ADGRL3: variants seen among roughly 807,000 people sequenced by gnomAD.
ADGRL3 encodes the protein adhesion G protein-coupled receptor L3.
A neutral mutation model predicts 153.5 loss-of-function variants in ADGRL3; 62 were observed. The observed-to-expected ratio is 0.40, with a 90% CI of 0.33 to 0.50. ADGRL3 has a LOEUF of 0.50. ADGRL3 is among the 20% of genes least tolerant of loss of function. The pLI, the probability that ADGRL3 is intolerant of heterozygous loss-of-function variation, is 0.47. For missense variants in ADGRL3, 1,641 were observed against 1,859.4 expected, an observed-to-expected ratio of 0.88 and a Z score of 2.16; for synonymous variants, 710 against 672.5, an observed-to-expected ratio of 1.06 and a Z score of -0.86.
intron 19 of ADGRL3, among the ~76,000 whole-genome samples, chr4:61,994,224 C>G (rs757324941): frequency 2.8e-4 from 42 of 152,078 alleles, no homozygotes; most frequent in Non-Finnish European, 5.0e-4. Context: ...CATGACTCAC[C>G]ACAGCCTGGA....
intron 1 of ADGRL3, among the ~76,000 whole-genome samples, chr4:61,327,652 G>T (rs1357054860): frequency 6.6e-6 from 1 of 151,908 alleles, no homozygotes. Context: ...GATCACTAAG[G>T]AAAAGCAGGT....
At chr4:61,872,639 C>T (rs1285511775) in intron 9 of ADGRL3, among the ~76,000 whole-genome samples, 3 of 147,696 alleles carry the variant, frequency 2.0e-5, no homozygotes, top group Non-Finnish European at 4.5e-5. Context: ...TTTCTAGTCT[C>T]AATGTTAACC....
intron 4 of ADGRL3, among the ~76,000 whole-genome samples, chr4:61,521,918 A>G (rs988240352): frequency 2.6e-5 from 4 of 152,164 alleles, no homozygotes; most frequent in Non-Finnish European, 5.9e-5. Flanking sequence ...TAAACTAAAA[A>G]TGTTATGTGT....
intron 2 of ADGRL3, among the ~76,000 whole-genome samples, chr4:61,401,681 G>A (rs190056251): frequency 2.6e-5 from 4 of 152,122 alleles, no homozygotes; most frequent in African/African-American, 9.6e-5. Context: ...TAAGGACACA[G>A]ATTTTTCTAC....
At chr4:61,234,952 G>C (rs1752263069) in intron 1 of ADGRL3, among the ~76,000 whole-genome samples, 1 of 152,242 alleles carries the variant, frequency 6.6e-6, no homozygotes, top group East Asian at 1.9e-4. Context: ...TGAGATGCTT[G>C]AATGTGATTA....
chr4:61,528,558 T>A (rs1560788611), intron 4 of ADGRL3, among the ~76,000 whole-genome samples: 1 of 152,054 alleles, frequency 6.6e-6, no homozygotes, highest in Non-Finnish European at 1.5e-5. Context: ...TTATATAGAT[T>A]CAACAATAGC....
At chr4:61,752,204 AAAG>A (rs1480330844) in intron 8 of ADGRL3, among the ~76,000 whole-genome samples, 1 of 152,220 alleles carries the variant, frequency 6.6e-6, no homozygotes, top group African/African-American at 2.4e-5. Context: ...TAACAAGAAT[AAAG>A]AATAGAAATT....
At chr4:61,366,237 A>G (rs1236649972) in intron 1 of ADGRL3, among the ~76,000 whole-genome samples, 1 of 152,170 alleles carries the variant, frequency 6.6e-6, no homozygotes, top group Non-Finnish European at 1.5e-5. Context: ...AAGGTTCTAG[A>G]TTTCTATAAA....
chr4:61,394,145 G>A (rs149430409), intron 2 of ADGRL3, among the ~76,000 whole-genome samples: 1 of 152,140 alleles, frequency 6.6e-6, no homozygotes, highest in Admixed American at 6.5e-5. Context: ...ATAGAATAAT[G>A]AATAATCTCT....
chr4:61,200,554 TGCCTCCGCTCCGGCA>T lies in ADGRL3; in HGVS notation c.-1448_-1434del, dbSNP rs2148665572. On this transcript the variant is annotated 5_prime_UTR_variant, in exon 1 of 27. Coordinates refer to ENST00000683033, the MANE Select transcript of ADGRL3 (RefSeq NM_001387552.1). ...TGCTGGTTTTTCTCGGACTGCTCGTTGCCTCCGCTCCGGCAGCTGCTGCCGCCGCCACCGCCGCCT... is the reference window on the plus strand; with the variant it reads ...TGCTGGTTTTTCTCGGACTGCTCGTTGCTGCTGCCGCCGCCACCGCCGCCT... Among the ~76,000 whole-genome samples, 1 of 149,304 alleles carries T rather than the reference TGCCTCCGCTCCGGCA, an allele frequency of 6.7e-6. No individual in the cohort carries two copies. The highest frequency in any genetic ancestry group is 2.5e-5 in the African/African-American group (1 of 40,328).
chr4:61,857,785 G>A (rs1316252071), intron 9 of ADGRL3, among the ~76,000 whole-genome samples: 1 of 151,054 alleles, frequency 6.6e-6, no homozygotes, highest in Non-Finnish European at 1.5e-5. Context: ...CTGAAGTGCA[G>A]TGGTGCATTC....
chr4:61,979,864 C>T (rs535927964), intron 18 of ADGRL3, 92 bp downstream of exon 18: 8 of 1,079,330 alleles, frequency 7.4e-6, no homozygotes, highest in Non-Finnish European at 1.1e-5. Context: ...TTGAAAGTAT[C>T]ATTTCTTCTA....
At chr4:61,225,846 A>T (rs1389056236) in intron 1 of ADGRL3, among the ~76,000 whole-genome samples, 1 of 152,034 alleles carries the variant, frequency 6.6e-6, no homozygotes, top group Non-Finnish European at 1.5e-5. Context: ...AGTTCTCTGG[A>T]TTTGTTTCCA....
intron 4 of ADGRL3, among the ~76,000 whole-genome samples, chr4:61,580,528 A>G (rs78874810): frequency 0.038 from 5,728 of 152,138 alleles, 329 homozygotes; most frequent in African/African-American, 0.13. Flanking sequence ...GCTGTATTGG[A>G]TAGCCAAAAA....
At chr4:61,605,572 G>A (rs901389196) in intron 5 of ADGRL3, among the ~76,000 whole-genome samples, 2 of 152,188 alleles carry the variant, frequency 1.3e-5, no homozygotes, top group African/African-American at 4.8e-5. Flanking sequence ...AAATTGTGAT[G>A]TGTGAGTAGT....
intron 3 of ADGRL3, among the ~76,000 whole-genome samples, chr4:61,511,563 A>G (rs549130206): frequency 4.2e-4 from 64 of 152,302 alleles, no homozygotes; most frequent in Non-Finnish European, 8.1e-4. Flanking sequence ...AGTTTATCTT[A>G]CTATTTATTT....
intron 4 of ADGRL3, among the ~76,000 whole-genome samples, chr4:61,581,766 A>G (rs921643433): frequency 2.6e-5 from 4 of 152,062 alleles, no homozygotes; most frequent in Non-Finnish European, 5.9e-5. Flanking sequence ...CCATTTGCTT[A>G]TATGTCAGAA....
chr4:61,581,126 A>T (rs2098922997), intron 4 of ADGRL3, among the ~76,000 whole-genome samples: 1 of 152,050 alleles, frequency 6.6e-6, no homozygotes, highest in African/African-American at 2.4e-5. Context: ...GAATATTTTG[A>T]AAGTTAGGTG....
chr4:61,702,739 T>A (rs908893704), intron 6 of ADGRL3, among the ~76,000 whole-genome samples: 1 of 152,190 alleles, frequency 6.6e-6, no homozygotes, highest in African/African-American at 2.4e-5. Flanking sequence ...TGTGTCCAAC[T>A]CATTGGCTAC....
Sources: gnomAD v4.1 joint callset for allele counts (sites outside exome capture counted in the v4.1 genomes callset) on GRCh38, gnomAD v4.1.1 for gene constraint, MANE v1.5 for transcripts, NCBI Gene and HGNC (gene_info 2026-07-23, HGNC 2026-07-21) for gene names.